The following RAD18 variants were observed in gnomAD, a reference collection of about 807,000 sequenced individuals.
RAD18 encodes RAD18 E3 ubiquitin protein ligase, also known as E3 ubiquitin-protein ligase RAD18.
A neutral mutation model predicts 60.4 loss-of-function variants in RAD18; 47 were observed. The observed-to-expected ratio is 0.78, with a 90% CI of 0.62 to 0.99. The LOEUF (loss-of-function observed/expected upper bound fraction) is 0.99. Ranked by LOEUF, RAD18 falls within the 50% of genes least tolerant of loss-of-function variation. The pLI, the probability that RAD18 is intolerant of heterozygous loss-of-function variation, is 0.00. For missense variants in RAD18, 640 were observed against 593.3 expected (o/e 1.08, Z -0.82); for synonymous variants, 225 against 195.5 (o/e 1.15, Z -1.26).
At chr3:8,912,427 G>A in intron 8 of RAD18, 55 bp from the exon 9 acceptor site, 1 of 1,231,928 alleles carries the variant, frequency 8.1e-7, no homozygotes, top group Non-Finnish European at 1.1e-6. Flanking sequence ...GACAAAAAGG[G>A]AAATATTACA....
chr3:8,941,622 A>C lies in RAD18; in HGVS notation c.449T>G (p.Ile150Arg). 1 of 1,614,066 alleles carries C rather than the reference A, an allele frequency of 6.2e-7. No homozygotes were observed. The highest frequency in any genetic ancestry group is 2.2e-5 in the East Asian group (1 of 44,874). ...EMSGSTSELL[I>R]KENKSKFSPQ... is the part of the protein sequence containing the mutation. The stretch of plus-strand genomic sequence containing the variant: ...GCTGAATTTGCTTTTATTTTCTTTT[A>C]TCAACAACTCTGATGTAGAACCACT... The change falls in exon 5 of 13, where the codon ATA (isoleucine) becomes AGA (arginine). Residue 150 changes from isoleucine to arginine, a missense_variant. Physicochemically the swap from Ile to Arg is moderately conservative, Grantham distance 97. Coordinates refer to ENST00000264926, the MANE Select transcript of RAD18 (RefSeq NM_020165.4).
At chr3:8,962,709 CA>C (rs1363338391) in intron 1 of RAD18, among the ~76,000 whole-genome samples, 3 of 152,136 alleles carry the variant, frequency 2.0e-5, no homozygotes, top group African/African-American at 4.8e-5. Flanking sequence ...AAAGTGGCCA[CA>C]AAAATAAATG....
chr3:8,892,718 T>C (rs1432504697), intron 11 of RAD18, among the ~76,000 whole-genome samples: 2 of 152,224 alleles, frequency 1.3e-5, no homozygotes, highest in Non-Finnish European at 2.9e-5. Flanking sequence ...TTTTGTAGCA[T>C]CTTATTTCAT....
At chr3:8,913,557 A>C (rs1367328429) in intron 8 of RAD18, 87 bp downstream of exon 8, 1 of 992,052 alleles carries the variant, frequency 1.0e-6, no homozygotes, top group Non-Finnish European at 1.4e-6. Flanking sequence ...GTAAATGAAT[A>C]AATTTAATAA....
intron 7 of RAD18, among the ~76,000 whole-genome samples, chr3:8,931,048 C>T (rs765827860): frequency 6.6e-6 from 1 of 151,820 alleles, no homozygotes; most frequent in Non-Finnish European, 1.5e-5. Flanking sequence ...AAATAAAAGG[C>T]ATATCGACTG....
At chr3:8,918,043 C>T (rs1254640702) in intron 7 of RAD18, among the ~76,000 whole-genome samples, 2 of 152,102 alleles carry the variant, frequency 1.3e-5, no homozygotes, top group African/African-American at 2.4e-5. Context: ...AGGGGCCGGG[C>T]GCAGTGGGTC....
chr3:8,936,059 A>C lies in RAD18; in HGVS notation c.705-4T>G, dbSNP rs1179192869. 1.3e-6 allele frequency: 2 copies of C among 1,526,022 alleles called. No homozygotes were observed. Among genetic ancestry groups the C allele is most frequent in the Non-Finnish European group, 1.8e-6 (2 of 1,135,114 alleles). 94.5% of individuals were successfully genotyped at this position (1,526,022 alleles called of 1,614,324 possible). A position where few individuals can be genotyped will look rare whatever the true frequency, so the allele number is the denominator to read the frequency against. ...CGGCTTCCTTTTGTGAACAGAACTG[A>C]AAAGGGGGGAAGATACCTGATGATT... is the stretch of plus-strand genomic sequence containing the variant. On this transcript the variant is annotated splice_region_variant and splice_polypyrimidine_tract_variant and intron_variant, in intron 6 of 12. Transcript: ENST00000264926.
chr3:8,895,637 CT>C (rs58646500), intron 11 of RAD18, among the ~76,000 whole-genome samples: 29,782 of 151,682 alleles, frequency 0.2, 4,411 homozygotes, highest in African/African-American at 0.41. Flanking sequence ...TACTTGCTCT[CT>C]TTTTTTTTTG....
At chr3:8,894,066 G>C (rs1323932277) in intron 11 of RAD18, among the ~76,000 whole-genome samples, 1 of 152,140 alleles carries the variant, frequency 6.6e-6, no homozygotes, top group Non-Finnish European at 1.5e-5. Flanking sequence ...AGAAATTAAA[G>C]TAAGTAGAAA....
intron 7 of RAD18, among the ~76,000 whole-genome samples, chr3:8,929,563 G>A (rs957174039): frequency 6.6e-6 from 1 of 152,066 alleles, no homozygotes; most frequent in Non-Finnish European, 1.5e-5. Flanking sequence ...ATTAATCACT[G>A]TAATGTAAAT....
chr3:8,948,791 A>G (rs1347251334), intron 2 of RAD18, among the ~76,000 whole-genome samples: 2 of 152,178 alleles, frequency 1.3e-5, no homozygotes, highest in Non-Finnish European at 2.9e-5. Flanking sequence ...TTAGGATACC[A>G]CAACTACACA....
chr3:8,953,286 CATTT>C (rs200554229), intron 2 of RAD18, among the ~76,000 whole-genome samples: 2,342 of 151,414 alleles, frequency 0.015, 46 homozygotes, highest in African/African-American at 0.052. Flanking sequence ...CAATAAATAA[CATTT>C]AATTAATAAG....
At chr3:8,901,963 T>C (rs904575151) in intron 10 of RAD18, among the ~76,000 whole-genome samples, 1 of 152,256 alleles carries the variant, frequency 6.6e-6, no homozygotes, top group Non-Finnish European at 1.5e-5. Context: ...TTAAGGAACG[T>C]GCTCTGTATT....
chr3:8,927,424 G>A (rs1400629700), intron 7 of RAD18, among the ~76,000 whole-genome samples: 1 of 152,218 alleles, frequency 6.6e-6, no homozygotes, highest in Non-Finnish European at 1.5e-5. Flanking sequence ...GTGCTGGAGA[G>A]GATGTGGAGA....
intron 11 of RAD18, among the ~76,000 whole-genome samples, chr3:8,898,201 G>A (rs74986239): frequency 0.02 from 3,073 of 152,220 alleles, 88 homozygotes; most frequent in African/African-American, 0.069. Context: ...AAATTATAGC[G>A]CAGAGACATA....
intron 7 of RAD18, among the ~76,000 whole-genome samples, chr3:8,915,343 G>A (rs1266268377): frequency 6.6e-6 from 1 of 151,956 alleles, no homozygotes; most frequent in Non-Finnish European, 1.5e-5. Context: ...TAAAGTAAGA[G>A]GGCAATCAAC....
chr3:8,885,876 T>C (rs1482796409), intron 12 of RAD18, among the ~76,000 whole-genome samples: 1 of 152,176 alleles, frequency 6.6e-6, no homozygotes. Context: ...TTCTAGGACA[T>C]AAAGGCACCC....
intron 7 of RAD18, among the ~76,000 whole-genome samples, chr3:8,916,574 C>T (rs928899715): frequency 1.3e-5 from 2 of 151,960 alleles, no homozygotes; most frequent in African/African-American, 4.8e-5. Context: ...TAAGATGATA[C>T]AGGATCTAGT....
chr3:8,883,670 C>G (rs930935602), intron 12 of RAD18, among the ~76,000 whole-genome samples: 1 of 152,132 alleles, frequency 6.6e-6, no homozygotes, highest in East Asian at 1.9e-4. Flanking sequence ...AAGTTTAGCG[C>G]TTCCTTAGGT....
Sources: allele counts gnomAD v4.1 joint callset (sites outside exome capture counted in the v4.1 genomes callset), GRCh38; gene constraint gnomAD v4.1.1; transcripts MANE v1.5; gene names NCBI Gene and HGNC (gene_info 2026-07-23, HGNC 2026-07-21).